NPR3: variants seen among roughly 807,000 people sequenced by gnomAD.
NPR3 encodes atrial natriuretic peptide receptor 3.
NPR3 carries 34 observed loss-of-function variants against 54.5 expected under a neutral mutation model. That is an observed-to-expected ratio of 0.62 (90% CI 0.47 to 0.83). The LOEUF (loss-of-function observed/expected upper bound fraction) is 0.83, where lower values mean the gene tolerates loss of function less well. Ranked by LOEUF, NPR3 falls within the 40% of genes least tolerant of loss-of-function variation. NPR3 has a pLI of 0.00. For missense variants in NPR3, 674 were observed against 720.8 expected (o/e 0.94, Z 0.74); for synonymous variants, 289 against 297.1 (o/e 0.97, Z 0.28).
At chr5:32,718,563 C>T (rs1738677723) in intron 1 of NPR3, among the ~76,000 whole-genome samples, 1 of 152,154 alleles carries the variant, frequency 6.6e-6, no homozygotes, top group Non-Finnish European at 1.5e-5. Context: ...AGGTCCTTCA[C>T]ATCCCTTGTA....
At chr5:32,719,552 C>T (rs762464170) in intron 1 of NPR3, among the ~76,000 whole-genome samples, 1 of 152,146 alleles carries the variant, frequency 6.6e-6, no homozygotes, top group Non-Finnish European at 1.5e-5. Context: ...CATTGCTTTG[C>T]TTTCCTGGAA....
upstream of NPR3, chr5:32,710,827 A>G: frequency 7.0e-7 from 1 of 1,431,892 alleles, no homozygotes; most frequent in Non-Finnish European, 9.2e-7. Flanking sequence ...CGAAACCACA[A>G]TTTCTAGAAC....
chr5:32,789,327 TC>T lies in NPR3; in HGVS notation c.*2986del. The stretch of plus-strand genomic sequence containing the variant: ...GGGGGAGACTCAGAAATAAAAGCGT[TC>T]CCCAGATAACTTCAATCTGGAAAGA... On this transcript the variant is annotated 3_prime_UTR_variant, in exon 8 of 8. Transcript: ENST00000265074. 1 of 437,120 alleles carries T rather than the reference TC, an allele frequency of 2.3e-6. No individual in the cohort carries two copies. The highest frequency in any genetic ancestry group is 1.9e-5 in the South Asian group (1 of 52,768). The allele number at this position is 437,120 out of a possible 1,614,324, so 27.1% of individuals were successfully genotyped here. A position where few individuals can be genotyped will look rare whatever the true frequency, so the allele number is the denominator to read the frequency against.
At chr5:32,721,765 C>T (rs1738877364) in intron 1 of NPR3, among the ~76,000 whole-genome samples, 1 of 152,168 alleles carries the variant, frequency 6.6e-6, no homozygotes, top group Non-Finnish European at 1.5e-5. Context: ...TGACAAAATG[C>T]CACAGACTGC....
At chr5:32,726,290 T>A (rs1307571514) in intron 2 of NPR3, among the ~76,000 whole-genome samples, 2 of 152,176 alleles carry the variant, frequency 1.3e-5, no homozygotes, top group Non-Finnish European at 2.9e-5. Flanking sequence ...CATATACAGA[T>A]AATAAAACAC....
chr5:32,703,571 T>C (rs1737891604), intron 1 of NPR3, among the ~76,000 whole-genome samples: 1 of 152,154 alleles, frequency 6.6e-6, no homozygotes, highest in Admixed American at 6.5e-5. Context: ...CTGCAGGTGA[T>C]AAATCCTGCC....
chr5:32,755,459 C>A (rs1740787428), intron 3 of NPR3, among the ~76,000 whole-genome samples: 1 of 152,126 alleles, frequency 6.6e-6, no homozygotes, highest in African/African-American at 2.4e-5. Context: ...CATATATGCA[C>A]CCTCCAGCAC....
chr5:32,760,524 A>C (rs1741110651), intron 3 of NPR3, among the ~76,000 whole-genome samples: 1 of 152,116 alleles, frequency 6.6e-6, no homozygotes, highest in Non-Finnish European at 1.5e-5. Context: ...TGCTTATTTA[A>C]AAATTAGCCT....
chr5:32,712,215 G>T lies in NPR3; in HGVS notation c.439G>T (p.Ala147Ser), dbSNP rs1195431991. 6.2e-7 allele frequency: 1 copy of T among 1,612,656 alleles called. No individual in the cohort carries two copies. The highest frequency in any genetic ancestry group is 8.5e-7 in the Non-Finnish European group (1 of 1,179,672). Residue 147 changes from alanine to serine, a missense_variant, in exon 1 of 8, where the codon GCA becomes TCA. Physicochemically the swap from Ala to Ser is moderately conservative, Grantham distance 99. Transcript: ENST00000265074. The part of the protein sequence containing the change: ...EYAAAPVARL[A>S]SHWDLPMLSA... ...TGCAGCAGCGCCAGTGGCCCGGCTT[G>T]CATCGCACTGGGACCTGCCCATGCT...
At chr5:32,730,359 C>T (rs2111914259) in intron 2 of NPR3, among the ~76,000 whole-genome samples, 1 of 152,294 alleles carries the variant, frequency 6.6e-6, no homozygotes, top group Admixed American at 6.5e-5. Context: ...AAAAACCTCG[C>T]AGCTGATATC....
At chr5:32,757,590 A>ATTTCTTTCTCC (rs1291350357) in intron 3 of NPR3, among the ~76,000 whole-genome samples, 3 of 152,156 alleles carry the variant, frequency 2.0e-5, no homozygotes, top group Non-Finnish European at 4.4e-5. Flanking sequence ...AATACCCTTT[A>ATTTCTTTCTCC]TTTCTTTCTC....
Position 32,711,909 on chromosome 5 carries a change from A to G in NPR3, c.133A>G (p.Arg45Gly), listed in dbSNP as rs1337692638. The G allele has an allele frequency of 6.7e-7, 1 of 1,490,462 alleles. No homozygotes were observed. Among genetic ancestry groups the G allele is most frequent in the Non-Finnish European group, 8.9e-7 (1 of 1,118,938 alleles). The allele number at this position is 1,490,462 out of a possible 1,614,324, so 92.3% of individuals were successfully genotyped here. ...GAGIGGGRQE[R>G]EALPPQKIEV... ...GGGCATAGGCGGCGGACGCCAGGAG[A>G]GAGAGGCGCTGCCGCCACAGAAGAT... The change falls in exon 1 of 8, where the codon AGA (arginine) becomes GGA (glycine). Residue 45 changes from arginine to glycine, a missense_variant. Coordinates refer to ENST00000265074, the MANE Select transcript of NPR3 (RefSeq NM_001204375.2).
At chr5:32,693,927 C>T (rs17540155) in intron 1 of NPR3, among the ~76,000 whole-genome samples, 54,100 of 152,032 alleles carry the variant, frequency 0.36, 9,957 homozygotes, top group Middle Eastern at 0.46. Flanking sequence ...AATCTGCTTC[C>T]GGCTCTCCTT....
At chr5:32,728,701 A>T (rs2111905858) in intron 2 of NPR3, among the ~76,000 whole-genome samples, 1 of 151,420 alleles carries the variant, frequency 6.6e-6, no homozygotes, top group African/African-American at 2.4e-5. Context: ...TCTATAATGA[A>T]ATAATTTCAG....
intron 3 of NPR3, among the ~76,000 whole-genome samples, chr5:32,764,237 T>C (rs1561120386): frequency 6.6e-6 from 1 of 152,194 alleles, no homozygotes; most frequent in Non-Finnish European, 1.5e-5. Context: ...CTCCTTTCTC[T>C]GTGGCTCTGT....
chr5:32,721,961 C>T (rs1376346417), intron 1 of NPR3, among the ~76,000 whole-genome samples: 4 of 152,136 alleles, frequency 2.6e-5, no homozygotes. Context: ...AACTGCCAGT[C>T]CCATCTTAGG....
intron 2 of NPR3, among the ~76,000 whole-genome samples, chr5:32,734,076 G>A (rs187716505): frequency 1.2e-4 from 19 of 152,298 alleles, no homozygotes; most frequent in Non-Finnish European, 8.8e-5. Context: ...ACTGCAGGTC[G>A]AACAGCCATA....
chr5:32,711,711 G>C lies in NPR3; in HGVS notation c.-66G>C. ...TGGAGAGAAGAGTGGGGAGGAAAGA[G>C]GAAGGGTGGGTGGGGGGCAGAGGGC... On this transcript the variant is annotated 5_prime_UTR_variant, in exon 1 of 8. Coordinates refer to ENST00000265074, the MANE Select transcript of NPR3 (RefSeq NM_001204375.2). The C allele has an allele frequency of 7.2e-7, 1 of 1,396,150 alleles. No homozygotes were observed. Among genetic ancestry groups the C allele is most frequent in the East Asian group, 2.8e-5 (1 of 35,768 alleles). 86.5% of individuals were successfully genotyped at this position (1,396,150 alleles called of 1,614,324 possible).
At chr5:32,766,573 T>C (rs923513358) in intron 3 of NPR3, among the ~76,000 whole-genome samples, 22 of 152,240 alleles carry the variant, frequency 1.4e-4, no homozygotes, top group African/African-American at 4.8e-4. Context: ...TTTGCTTATT[T>C]GTAACATCTC....
Sources: gnomAD v4.1 joint callset for allele counts (sites outside exome capture counted in the v4.1 genomes callset) on GRCh38, gnomAD v4.1.1 for gene constraint, MANE v1.5 for transcripts, NCBI Gene and HGNC (gene_info 2026-07-23, HGNC 2026-07-21) for gene names.